Variants in TSPEAR observed in about 807,000 individuals in gnomAD.
The protein encoded by TSPEAR is thrombospondin type laminin G domain and EAR repeats.
A neutral mutation model predicts 71.6 loss-of-function variants in TSPEAR; 69 were observed. That is an observed-to-expected ratio of 0.96 (90% CI 0.79 to 1.18). The LOEUF (loss-of-function observed/expected upper bound fraction) is 1.18. Among genes scored for constraint, TSPEAR ranks in the 50% most tolerant of loss-of-function variants. The probability of loss-of-function intolerance (pLI) is 0.00; values close to 1 mark genes in which losing one functional copy is unlikely to be tolerated. For synonymous variants in TSPEAR, 402 were observed against 387.2 expected (o/e 1.04, Z -0.45); for missense variants, 971 against 894.9 (o/e 1.09, Z -1.09).
At chr21:44,579,625 G>A (rs1450887895) in intron 1 of TSPEAR, 2 of 1,097,064 alleles carry the variant, frequency 1.8e-6, no homozygotes, top group African/African-American at 3.3e-5. Context: ...GGAGATTCCT[G>A]GGAGTATGGA....
intron 2 of TSPEAR, among the ~76,000 whole-genome samples, chr21:44,535,028 A>ATTGTTATAAT (rs2053064064): frequency 6.6e-6 from 1 of 152,166 alleles, no homozygotes; most frequent in South Asian, 2.1e-4. Context: ...TAGACTGGTC[A>ATTGTTATAAT]CATTCACAGA....
At chr21:44,671,357 C>G (rs1986047107) in intron 1 of TSPEAR, among the ~76,000 whole-genome samples, 1 of 152,240 alleles carries the variant, frequency 6.6e-6, no homozygotes, top group Non-Finnish European at 1.5e-5. Flanking sequence ...GCTGCCACTG[C>G]TAGCACATAA....
chr21:44,577,397 A>C (rs462349), intron 1 of TSPEAR, among the ~76,000 whole-genome samples: 138,387 of 152,290 alleles, frequency 0.91, 63,415 homozygotes, highest in Non-Finnish European at 0.97. Context: ...GCTGTACAAG[A>C]ATGGCACCTG....
At chr21:44,643,714 T>TAC (rs781875891) in intron 1 of TSPEAR, among the ~76,000 whole-genome samples, 32 of 151,966 alleles carry the variant, frequency 2.1e-4, no homozygotes, top group Non-Finnish European at 3.8e-4. Flanking sequence ...TTCACACACA[T>TAC]ACACACACAC....
intron 9 of TSPEAR, among the ~76,000 whole-genome samples, chr21:44,515,189 G>C (rs1050711479): frequency 2.8e-4 from 43 of 152,368 alleles, no homozygotes; most frequent in African/African-American, 1.0e-3. Context: ...GGACCTAAAA[G>C]GATTTCAACA....
chr21:44,578,500 G>A (rs1423317400), intron 1 of TSPEAR, among the ~76,000 whole-genome samples: 1 of 152,160 alleles, frequency 6.6e-6, no homozygotes, highest in Admixed American at 6.5e-5. Context: ...AACTTTTCCA[G>A]AAAACCGTGG....
intron 1 of TSPEAR, chr21:44,676,939 A>G: frequency 1.1e-6 from 1 of 892,632 alleles, no homozygotes; most frequent in South Asian, 1.3e-5. Context: ...CAGGGAGTTC[A>G]GATCATCAGT....
At chr21:44,539,848 C>G in intron 2 of TSPEAR, 1 of 1,576,028 alleles carries the variant, frequency 6.3e-7, no homozygotes, top group Non-Finnish European at 8.6e-7. Flanking sequence ...AGCAGACGGG[C>G]ACGCAGCAGG....
intron 1 of TSPEAR, among the ~76,000 whole-genome samples, chr21:44,696,240 C>T (rs555966400): frequency 2.6e-5 from 4 of 152,186 alleles, no homozygotes; most frequent in Non-Finnish European, 4.4e-5. Flanking sequence ...AATCCCACAC[C>T]GCCATGTCTA....
intron 1 of TSPEAR, among the ~76,000 whole-genome samples, chr21:44,618,407 C>T (rs1569222682): frequency 6.6e-6 from 1 of 152,218 alleles, no homozygotes; most frequent in Non-Finnish European, 1.5e-5. Context: ...TGGATAGTAT[C>T]TTTATAGCAG....
intron 2 of TSPEAR, among the ~76,000 whole-genome samples, chr21:44,545,417 C>G (rs140405697): frequency 6.6e-6 from 1 of 152,002 alleles, no homozygotes; most frequent in East Asian, 1.9e-4. Flanking sequence ...ACAGGTCTAA[C>G]GTAGATGCAG....
chr21:44,522,470 C>T (rs1196205010), intron 8 of TSPEAR, among the ~76,000 whole-genome samples: 1 of 152,224 alleles, frequency 6.6e-6, no homozygotes, highest in East Asian at 1.9e-4. Context: ...CCTTCCCACG[C>T]ACTGCCACCT....
intron 1 of TSPEAR, chr21:44,580,578 T>C: frequency 6.2e-7 from 1 of 1,607,032 alleles, no homozygotes; most frequent in Non-Finnish European, 8.5e-7. Context: ...CACGCGGCCA[T>C]GCTGGGGTGG....
chr21:44,626,074 G>A (rs891859376), intron 1 of TSPEAR, among the ~76,000 whole-genome samples: 2 of 152,216 alleles, frequency 1.3e-5, no homozygotes, highest in Non-Finnish European at 2.9e-5. Context: ...GCCGTTTCCA[G>A]CTTTGCCAGA....
At chr21:44,672,993 T>C (rs1986135193) in intron 1 of TSPEAR, among the ~76,000 whole-genome samples, 1 of 152,218 alleles carries the variant, frequency 6.6e-6, no homozygotes. Flanking sequence ...TCCTCTTTTC[T>C]TTATAAATTA....
chr21:44,704,001 C>G (rs1296488), intron 1 of TSPEAR, among the ~76,000 whole-genome samples: 12,964 of 152,250 alleles, frequency 0.085, 860 homozygotes, highest in East Asian at 0.35. Flanking sequence ...TTCCCAGGAC[C>G]CTTAGTGCAG....
intron 1 of TSPEAR, chr21:44,580,650 A>T: frequency 6.7e-7 from 1 of 1,485,812 alleles, no homozygotes; most frequent in Non-Finnish European, 9.2e-7. Flanking sequence ...TGAGTGAAGG[A>T]GGGAGTGAGT....
Position 44,504,899 on chromosome 21 carries a change from T to C in TSPEAR, c.1755-18A>G, listed in dbSNP as rs2052159227. ...CCAGAGCACTGCAGGAACAAGTGGG[T>C]GGATATTAGGACACAACAGACATCG... On this transcript the variant is annotated intron_variant, in intron 10 of 11. Transcript: ENST00000323084. The C allele has an allele frequency of 1.3e-6, 2 of 1,586,588 alleles. No homozygotes were observed. The highest frequency in any genetic ancestry group is 3.3e-4 in the Middle Eastern group (2 of 6,002).
chr21:44,609,694 G>T (rs1981536013), intron 1 of TSPEAR, among the ~76,000 whole-genome samples: 1 of 152,192 alleles, frequency 6.6e-6, no homozygotes, highest in South Asian at 2.1e-4. Context: ...AGGAGCAATT[G>T]TTAACTCCAA....
Sources: allele counts gnomAD v4.1 joint callset (sites outside exome capture counted in the v4.1 genomes callset), GRCh38; gene constraint gnomAD v4.1.1; transcripts MANE v1.5; gene names NCBI Gene and HGNC (gene_info 2026-07-23, HGNC 2026-07-21).